Variants in MSI2 observed in about 807,000 individuals in gnomAD.
MSI2 encodes musashi RNA binding protein 2, also known as RNA-binding protein Musashi homolog 2.
Under a neutral mutation model 45.6 loss-of-function variants are expected in MSI2, and 17 were observed. That is an observed-to-expected ratio of 0.37 (90% CI 0.26 to 0.56). The LOEUF is 0.56. Ranked by LOEUF, MSI2 falls within the 20% of genes least tolerant of loss-of-function variation. The pLI is 0.77. For synonymous variants in MSI2, 156 were observed against 158.2 expected (o/e 0.99, Z 0.11); for missense variants, 293 against 444.2 (o/e 0.66, Z 3.06).
chr17:57,479,320 G>T (rs2085603482), intron 6 of MSI2, among the ~76,000 whole-genome samples: 1 of 152,156 alleles, frequency 6.6e-6, no homozygotes, highest in Non-Finnish European at 1.5e-5. Context: ...GCAGGATTTG[G>T]AGATGGGAAA....
intron 5 of MSI2, among the ~76,000 whole-genome samples, chr17:57,317,302 C>T (rs1356335590): frequency 6.6e-6 from 1 of 152,142 alleles, no homozygotes; most frequent in African/African-American, 2.4e-5. Context: ...ATGACGATGC[C>T]TGGAGACTCT....
chr17:57,511,483 G>A (rs1246082291), intron 6 of MSI2, among the ~76,000 whole-genome samples: 4 of 152,092 alleles, frequency 2.6e-5, no homozygotes, highest in South Asian at 4.1e-4. Flanking sequence ...GGGGCTCCTC[G>A]GCTTTCGAGA....
intron 7 of MSI2, among the ~76,000 whole-genome samples, chr17:57,559,793 C>T (rs2087528366): frequency 6.6e-6 from 1 of 152,260 alleles, no homozygotes; most frequent in South Asian, 2.1e-4. Flanking sequence ...GGGCCAAGGC[C>T]ACTGGACGTC....
At chr17:57,671,655 A>G (rs1159921510) in intron 11 of MSI2, 1 of 151,754 alleles carries the variant, frequency 6.6e-6, no homozygotes, top group Non-Finnish European at 1.5e-5. Context: ...CGGGTTCTCA[A>G]ATGACCCCCT....
chr17:57,418,330 C>CAGTAA, intron 6 of MSI2, among the ~76,000 whole-genome samples: 1 of 152,220 alleles, frequency 6.6e-6, no homozygotes, highest in African/African-American at 2.4e-5. Flanking sequence ...AGGGGCATGG[C>CAGTAA]TATGCTCATT....
At chr17:57,539,559 G>T (rs545882037) in intron 7 of MSI2, among the ~76,000 whole-genome samples, 25 of 19,268 alleles carry the variant, frequency 1.3e-3, no homozygotes, top group South Asian at 5.8e-3. Flanking sequence ...AGGAACGGTG[G>T]CACGTGCCTG....
In MSI2 at chr17:57,262,201, G is replaced by A; in HGVS notation, c.312+9G>A. 1.2e-6 allele frequency: 2 copies of A among 1,613,832 alleles called. No homozygotes were observed. Among genetic ancestry groups the A allele is most frequent in the African/African-American group, 1.3e-5 (1 of 74,998 alleles). ...GTCGAGCGCAACCCAAGGTAAGTAG[G>A]AGAATAAACAGTAGGATTTTAGCAC... On this transcript the variant is annotated intron_variant, in intron 5 of 13. Coordinates refer to ENST00000284073, the MANE Select transcript of MSI2 (RefSeq NM_138962.4).
chr17:57,551,864 C>T (rs539533079), intron 7 of MSI2, among the ~76,000 whole-genome samples: 3 of 152,114 alleles, frequency 2.0e-5, no homozygotes, highest in Non-Finnish European at 2.9e-5. Flanking sequence ...ATGTGCTGAC[C>T]GCTCCTGTAG....
intron 6 of MSI2, among the ~76,000 whole-genome samples, chr17:57,516,434 A>C (rs1427700282): frequency 6.6e-6 from 1 of 152,166 alleles, no homozygotes; most frequent in African/African-American, 2.4e-5. Flanking sequence ...CTGTGTTTCC[A>C]AAAGATGGTT....
chr17:57,664,664 G>A lies in MSI2; in HGVS notation c.791-10308G>A, dbSNP rs139984755. Among the ~76,000 whole-genome samples, 1,081 of 152,320 alleles carry A rather than the reference G, an allele frequency of 7.1e-3. 9 individuals are homozygous for A. The highest frequency in any genetic ancestry group is 0.014 in the Middle Eastern group (4 of 294). ...GAAGGCAATGGGAGGGACAGAAGCG[G>A]TTCCAGAACTGTGTATCATTTTACA... On this transcript the variant is annotated intron_variant, in intron 11 of 13. Transcript: ENST00000284073.
intron 6 of MSI2, among the ~76,000 whole-genome samples, chr17:57,431,011 CTT>C (rs1416041403): frequency 6.6e-6 from 1 of 152,382 alleles, no homozygotes; most frequent in East Asian, 1.9e-4. Flanking sequence ...TTTCCTCTCT[CTT>C]TGGCTGTAAA....
At chr17:57,337,702 C>A (rs755435130) in intron 5 of MSI2, among the ~76,000 whole-genome samples, 2 of 152,096 alleles carry the variant, frequency 1.3e-5, no homozygotes, top group Non-Finnish European at 2.9e-5. Context: ...TTTTGCCAAG[C>A]CAAAACAGCG....
chr17:57,256,720 T>TG lies in MSI2; in HGVS notation c.-16dup, dbSNP rs1453466182. On this transcript the variant is annotated 5_prime_UTR_variant, in exon 1 of 14. Transcript: ENST00000284073. ...GCTGTGGGGCTTGGTTTTTTGGGGGTGGGGGGGCGGGGGGGCTCAGATATG... is the reference window on the plus strand; with the variant it reads ...GCTGTGGGGCTTGGTTTTTTGGGGGTGGGGGGGGCGGGGGGGCTCAGATATG... 63 of 408,378 alleles carry TG rather than the reference T, an allele frequency of 1.5e-4. No homozygotes were observed. In the Admixed American group the frequency reaches 2.2e-3, roughly 14 times the overall value. The allele number at this position is 408,378 out of a possible 1,614,324, so 25.3% of individuals were successfully genotyped here.
chr17:57,545,781 G>A (rs1047678414), intron 7 of MSI2, among the ~76,000 whole-genome samples: 1 of 152,140 alleles, frequency 6.6e-6, no homozygotes, highest in Non-Finnish European at 1.5e-5. Context: ...ACATAAGTCT[G>A]AATGTTAGAA....
intron 5 of MSI2, chr17:57,266,090 T>TCATC (rs774955133): frequency 3.9e-5 from 6 of 152,198 alleles, no homozygotes; most frequent in Non-Finnish European, 7.3e-5. Context: ...CTTCCTTAAC[T>TCATC]TTTAGAGGCC....
intron 5 of MSI2, among the ~76,000 whole-genome samples, chr17:57,295,821 G>C (rs908919499): frequency 1.3e-5 from 2 of 152,228 alleles, no homozygotes; most frequent in South Asian, 4.2e-4. Flanking sequence ...GCGAAAAGAA[G>C]GGTCTTTGAG....
chr17:57,262,145 T>C lies in MSI2; in HGVS notation c.271-6T>C. The C allele has an allele frequency of 1.2e-6, 2 of 1,614,044 alleles. No homozygotes were observed. The highest frequency in any genetic ancestry group is 1.7e-6 in the Non-Finnish European group (2 of 1,179,926). Reference sequence around the variant, plus strand: ...TTGACTCCTGCTTTTCTATTTTTTTTCCCAGATTGACCCCAAAGTTGCATT... The same window carrying C: ...TTGACTCCTGCTTTTCTATTTTTTTCCCCAGATTGACCCCAAAGTTGCATT... On this transcript the variant is annotated splice_polypyrimidine_tract_variant and splice_region_variant and intron_variant, in intron 4 of 13. Coordinates refer to ENST00000284073, the MANE Select transcript of MSI2 (RefSeq NM_138962.4).
the MSI2 span, among the ~76,000 whole-genome samples, chr17:57,701,085 G>A: frequency 6.6e-6 from 1 of 152,124 alleles, no homozygotes; most frequent in East Asian, 1.9e-4. Flanking sequence ...AGGTAAAAGA[G>A]AAATGAACAG....
intron 5 of MSI2, among the ~76,000 whole-genome samples, chr17:57,288,886 C>T (rs1281446020): frequency 6.6e-6 from 1 of 152,064 alleles, no homozygotes. Flanking sequence ...GGATGTTTAG[C>T]GGCATCCCCG....
Sources: gnomAD v4.1 joint callset for allele counts (sites outside exome capture counted in the v4.1 genomes callset) on GRCh38, gnomAD v4.1.1 for gene constraint, MANE v1.5 for transcripts, NCBI Gene and HGNC (gene_info 2026-07-23, HGNC 2026-07-21) for gene names.